Variants in LRP1B observed in about 807,000 individuals in gnomAD.
LRP1B encodes LDL receptor related protein 1B.
LRP1B carries 217 observed loss-of-function variants against 556.6 expected under a neutral mutation model. The ratio of observed to expected loss-of-function variants is 0.39; its 90% CI spans 0.35 to 0.44. LRP1B has a LOEUF of 0.44. Ranked by LOEUF, LRP1B falls within the 20% of genes least tolerant of loss-of-function variation. The pLI, the probability that LRP1B is intolerant of heterozygous loss-of-function variation, is 1.00. For missense variants in LRP1B, 5,053 were observed against 5,620.8 expected (o/e 0.90, Z 3.23); for synonymous variants, 2,047 against 1,865.8 (o/e 1.10, Z -2.50).
chr2:141,332,814 C>CAAA (rs67444878), intron 3 of LRP1B, among the ~76,000 whole-genome samples: 8,772 of 142,352 alleles, frequency 0.062, 855 homozygotes, highest in African/African-American at 0.21. Flanking sequence ...TTTAAAAATG[C>CAAA]AAAAAAAAAA....
At chr2:141,912,574 G>A (rs985692646) in intron 1 of LRP1B, among the ~76,000 whole-genome samples, 1 of 152,058 alleles carries the variant, frequency 6.6e-6, no homozygotes, top group Non-Finnish European at 1.5e-5. Context: ...GTGGGGAGAG[G>A]ACAATGGAGA....
intron 2 of LRP1B, among the ~76,000 whole-genome samples, chr2:141,512,113 T>A (rs6707422): frequency 0.97 from 148,314 of 152,246 alleles, 72,354 homozygotes; most frequent in East Asian, 1. Flanking sequence ...ACGGAATGGA[T>A]ATTTTCATCA....
chr2:140,419,277 TAAC>T (rs781000707), intron 66 of LRP1B, among the ~76,000 whole-genome samples: 2 of 152,120 alleles, frequency 1.3e-5, no homozygotes, highest in Non-Finnish European at 2.9e-5. Flanking sequence ...ATGTGTGCAT[TAAC>T]AACAAAATTT....
intron 7 of LRP1B, among the ~76,000 whole-genome samples, chr2:141,169,327 T>TAAAG (rs1558907471): frequency 4.8e-5 from 7 of 146,040 alleles, no homozygotes; most frequent in African/African-American, 1.5e-4. Context: ...AATAAATAAA[T>TAAAG]AAATAAATAA....
At chr2:141,924,055 C>T (rs1188530054) in intron 1 of LRP1B, among the ~76,000 whole-genome samples, 1 of 151,968 alleles carries the variant, frequency 6.6e-6, no homozygotes, top group African/African-American at 2.4e-5. Flanking sequence ...AGTCTGGAGG[C>T]CTGCAGCCCT....
chr2:141,522,604 G>C (rs531081704), intron 2 of LRP1B, among the ~76,000 whole-genome samples: 2 of 152,260 alleles, frequency 1.3e-5, no homozygotes, highest in Non-Finnish European at 2.9e-5. Flanking sequence ...AGCTAAGAAA[G>C]AGTCAGACTC....
At chr2:142,110,108 A>C (rs1459678427) in intron 1 of LRP1B, among the ~76,000 whole-genome samples, 1 of 152,130 alleles carries the variant, frequency 6.6e-6, no homozygotes, top group African/African-American at 2.4e-5. Context: ...CCTTTATGTA[A>C]ATTTATCACT....
chr2:142,101,239 A>G lies in LRP1B; in HGVS notation c.82+29409T>C, dbSNP rs931945810. ...GATATCCTTGGCATTGTAGGTTGGC[A>G]ATTAAACACTCTCAAATGCAACTTC... On this transcript the variant is annotated intron_variant, in intron 1 of 90. Transcript: ENST00000389484. Among the ~76,000 whole-genome samples the G allele has an allele frequency of 5.1e-4, 77 of 152,132 alleles. 2 individuals carry two copies. Among genetic ancestry groups the G allele is most frequent in the Admixed American group, 4.3e-3 (66 of 15,236 alleles).
chr2:141,299,865 A>G (rs1686320671), intron 3 of LRP1B, among the ~76,000 whole-genome samples: 1 of 152,200 alleles, frequency 6.6e-6, no homozygotes, highest in African/African-American at 2.4e-5. Context: ...CTCACAGGTA[A>G]TCTTAGTGTG....
chr2:141,716,607 CA>C (rs989682017), intron 2 of LRP1B, among the ~76,000 whole-genome samples: 2 of 152,024 alleles, frequency 1.3e-5, no homozygotes, highest in African/African-American at 4.8e-5. Context: ...ATCAGCTCAC[CA>C]AACATGCTCA....
At chr2:141,210,395 G>C (rs1473742063) in intron 6 of LRP1B, among the ~76,000 whole-genome samples, 1 of 151,938 alleles carries the variant, frequency 6.6e-6, no homozygotes, top group Admixed American at 6.6e-5. Context: ...TGCCACAAAA[G>C]TAATAATTTC....
chr2:142,081,962 T>TA, intron 1 of LRP1B, among the ~76,000 whole-genome samples: 1 of 152,210 alleles, frequency 6.6e-6, no homozygotes, highest in Non-Finnish European at 1.5e-5. Flanking sequence ...GTGCAGCTAC[T>TA]AAGTGGTAGA....
At chr2:141,042,939 C>T (rs916696230) in intron 11 of LRP1B, among the ~76,000 whole-genome samples, 2 of 149,552 alleles carry the variant, frequency 1.3e-5, no homozygotes, top group African/African-American at 2.4e-5. Flanking sequence ...GGACTGTAAT[C>T]CCAGCACTTT....
chr2:141,011,346 A>T (rs78436919), intron 14 of LRP1B, among the ~76,000 whole-genome samples: 1 of 152,104 alleles, frequency 6.6e-6, no homozygotes, highest in African/African-American at 2.4e-5. Flanking sequence ...ATTAAGACAA[A>T]CTGCTCACAA....
chr2:141,292,275 G>T (rs111430776), intron 3 of LRP1B, among the ~76,000 whole-genome samples: 3,417 of 152,234 alleles, frequency 0.022, 70 homozygotes, highest in Non-Finnish European at 0.036. Flanking sequence ...CCATGAAACT[G>T]GTCCCAGGTA....
chr2:141,056,546 T>G (rs1699183105), intron 9 of LRP1B, among the ~76,000 whole-genome samples: 1 of 151,876 alleles, frequency 6.6e-6, no homozygotes, highest in Non-Finnish European at 1.5e-5. Flanking sequence ...GAAACTGCCC[T>G]TGTCAGATCC....
rs1031480614 is a variant in LRP1B, at chr2:141,015,901, G to A, written c.1985C>T (p.Thr662Ile). 2 of 1,612,714 alleles carry A rather than the reference G, an allele frequency of 1.2e-6. No individual in the cohort carries two copies. Among genetic ancestry groups the A allele is most frequent in the African/African-American group, 1.3e-5 (1 of 74,742 alleles). Residue 662 changes from threonine to isoleucine, a missense_variant, in exon 13 of 91, where the codon ACA becomes ATA. Around this residue, in one of 5 missense-constraint regions of LRP1B, gnomAD observed 3,619 missense variants for 3,931.9 expected, o/e 0.92. Transcript: ENST00000389484. ...ATCTATTTCATCTTCCTCCCAGTCT[G>A]TCCAATACATCCAACTAAGACATTA... Reference protein sequence around the residue: ...VDPVNGWMYWTDWEEDEIDDS... With the variant: ...VDPVNGWMYWIDWEEDEIDDS...
chr2:142,015,821 G>A (rs1422745469), intron 1 of LRP1B, among the ~76,000 whole-genome samples: 1 of 151,404 alleles, frequency 6.6e-6, no homozygotes, highest in Admixed American at 6.6e-5. Flanking sequence ...GTGAAACCCC[G>A]TCTCTACTAA....
intron 7 of LRP1B, among the ~76,000 whole-genome samples, chr2:141,071,770 T>A (rs1312650494): frequency 6.6e-6 from 1 of 152,050 alleles, no homozygotes; most frequent in Non-Finnish European, 1.5e-5. Context: ...TCAAAGAGAA[T>A]AAAATACCTA....
Sources: allele counts gnomAD v4.1 joint callset (sites outside exome capture counted in the v4.1 genomes callset), GRCh38; gene constraint gnomAD v4.1.1; regional missense constraint gnomAD v4.1.1; transcripts MANE v1.5; gene names NCBI Gene and HGNC (gene_info 2026-07-23, HGNC 2026-07-21).